Variants in CRYBG1 observed in about 807,000 individuals in gnomAD.
CRYBG1 encodes the protein beta/gamma crystallin domain-containing protein 1.
In CRYBG1, 139 loss-of-function variants were observed where a neutral mutation model predicts 189.2. The ratio of observed to expected loss-of-function variants is 0.73; its 90% confidence interval spans 0.64 to 0.85. The LOEUF (loss-of-function observed/expected upper bound fraction) is 0.85, where lower values mean the gene tolerates loss of function less well. Among genes scored for constraint, CRYBG1 ranks in the 40% least tolerant of loss-of-function variants. The pLI, the probability that CRYBG1 is intolerant of heterozygous loss-of-function variation, is 0.00. For missense variants in CRYBG1, 2,611 were observed against 2,675.8 expected (o/e 0.98, Z 0.53); for synonymous variants, 1,023 against 1,017.1 (o/e 1.01, Z -0.11).
chr6:106,365,680 AT>A (rs10714082), intron 1 of CRYBG1, among the ~76,000 whole-genome samples: 98,783 of 132,426 alleles, frequency 0.75, 41,182 homozygotes, highest in Non-Finnish European at 0.78. Context: ...AAGAACCTGT[AT>A]TTTTTTTTAA....
intron 1 of CRYBG1, among the ~76,000 whole-genome samples, chr6:106,419,650 C>T (rs1201999243): frequency 6.6e-6 from 1 of 152,214 alleles, no homozygotes; most frequent in African/African-American, 2.4e-5. Context: ...TACCAAAGTG[C>T]TGGGATTACA....
chr6:106,450,930 C>T (rs1166748540), intron 1 of CRYBG1, among the ~76,000 whole-genome samples: 1 of 152,232 alleles, frequency 6.6e-6, no homozygotes, highest in Admixed American at 6.5e-5. Flanking sequence ...ATAAGCAAGA[C>T]AGTTACATAT....
chr6:106,463,502 G>A (rs1460007314), intron 2 of CRYBG1, among the ~76,000 whole-genome samples: 1 of 152,180 alleles, frequency 6.6e-6, no homozygotes, highest in Non-Finnish European at 1.5e-5. Flanking sequence ...CTCTCAGGGT[G>A]CTGATTATCA....
At position 106,405,960 on chromosome 6, in the gene CRYBG1, C is replaced by G. The variant is rs116026066; in HGVS notation, c.173+44879C>G. Among the ~76,000 whole-genome samples the G allele has an allele frequency of 1.4e-3, 219 of 152,282 alleles. 3 individuals are homozygous for G. Among genetic ancestry groups the G allele is most frequent in the African/African-American group, 4.9e-3 (203 of 41,572 alleles). The stretch of plus-strand genomic sequence containing the variant: ...AGGCTGAAAATTCCAAAAACCAGGA[C>G]AGCTCTTCTCCTCCAAAGGATCACA... On this transcript the variant is annotated intron_variant, in intron 1 of 21. Coordinates refer to ENST00000633556, the MANE Select transcript of CRYBG1 (RefSeq NM_001371242.2).
chr6:106,378,577 A>G (rs1240899800), intron 1 of CRYBG1, among the ~76,000 whole-genome samples: 1 of 152,222 alleles, frequency 6.6e-6, no homozygotes, highest in Non-Finnish European at 1.5e-5. Flanking sequence ...GGAAGCACAT[A>G]TGGGCTTCCC....
chr6:106,511,406 C>T (rs1773253949), intron 2 of CRYBG1, 24 bp from the exon 3 acceptor site: 2 of 1,519,588 alleles, frequency 1.3e-6, no homozygotes, highest in South Asian at 2.4e-5. Context: ...CATATGTTCC[C>T]TCCTCATCCC....
intron 2 of CRYBG1, among the ~76,000 whole-genome samples, chr6:106,452,133 C>T (rs1771793876): frequency 6.8e-6 from 1 of 147,544 alleles, no homozygotes. Context: ...TTGGCCGGGC[C>T]TGGTGGCTCA....
In CRYBG1 at chr6:106,511,931, G is replaced by T. The variant is rs897281137; in HGVS notation, c.814G>T (p.Ala272Ser). 1 of 1,525,242 alleles carries T rather than the reference G, an allele frequency of 6.6e-7. No individual in the cohort carries two copies. Among genetic ancestry groups the T allele is most frequent in the Non-Finnish European group, 8.8e-7 (1 of 1,140,010 alleles). The allele number at this position is 1,525,242 out of a possible 1,614,324, so 94.5% of individuals were successfully genotyped here. The change falls in exon 3 of 22, where the codon GCC (alanine) becomes TCC (serine). Residue 272 changes from alanine (A) to serine (S), a missense_variant. Transcript: ENST00000633556. ...SSRQENAETP[A>S]RSPGEDASPG... ...CAGGCAAGAGAACGCAGAGACGCCC[G>T]CCCGCAGTCCGGGGGAGGACGCTTC...
intron 17 of CRYBG1, among the ~76,000 whole-genome samples, chr6:106,558,240 TCCCC>T (rs57841452): frequency 6.7e-6 from 1 of 149,684 alleles, no homozygotes; most frequent in Non-Finnish European, 1.5e-5. Context: ...CTTTTTTTTT[TCCCC>T]CTGTTTTACA....
At chr6:106,424,888 C>T (rs1362341122) in intron 1 of CRYBG1, among the ~76,000 whole-genome samples, 3 of 152,134 alleles carry the variant, frequency 2.0e-5, no homozygotes, top group Admixed American at 2.0e-4. Context: ...CTGGAGACTC[C>T]TCACCTCTGC....
chr6:106,434,955 G>T (rs1319562751), intron 1 of CRYBG1, among the ~76,000 whole-genome samples: 8 of 152,214 alleles, frequency 5.3e-5, no homozygotes, highest in Admixed American at 6.5e-5. Context: ...ACAAAAAGAG[G>T]CTGTAGGGTA....
intron 2 of CRYBG1, among the ~76,000 whole-genome samples, chr6:106,486,066 C>A (rs966733303): frequency 6.6e-6 from 1 of 152,068 alleles, no homozygotes; most frequent in Admixed American, 6.6e-5. Context: ...TATTAGAAAT[C>A]TTTCCTCTTT....
At chr6:106,494,334 A>G (rs969973145) in intron 2 of CRYBG1, among the ~76,000 whole-genome samples, 3 of 152,196 alleles carry the variant, frequency 2.0e-5, no homozygotes, top group African/African-American at 7.2e-5. Context: ...TATAGTTAAC[A>G]CTATAGAACA....
In CRYBG1 at chr6:106,571,942, C is replaced by A; in HGVS notation, c.*3376C>A. The A allele has an allele frequency of 7.4e-7, 1 of 1,347,178 alleles. No homozygotes were observed. The highest frequency in any genetic ancestry group is 1.1e-6 in the Non-Finnish European group (1 of 949,260). 83.5% of individuals were successfully genotyped at this position (1,347,178 alleles called of 1,614,324 possible). ...AGGGATGGCTAGAAAAAAATTTGGG[C>A]TCACAGGCACTCACCAAATAAGAAC... On this transcript the variant is annotated 3_prime_UTR_variant, in exon 22 of 22. Transcript: ENST00000633556.
chr6:106,519,414 A>G lies in CRYBG1; in HGVS notation c.2206A>G (p.Asn736Asp), dbSNP rs756240911. 4 of 1,614,144 alleles carry G rather than the reference A, an allele frequency of 2.5e-6. No homozygotes were observed. The East Asian group carries it at 8.9e-5, about 36-fold the overall frequency. The change falls in exon 4 of 22, where the codon AAC becomes GAC. Residue 736 changes from asparagine (N) to aspartate (D), a missense_variant. By Grantham distance (23) the Asn-to-Asp change is conservative. Around this residue, in one of 3 missense-constraint regions of CRYBG1, gnomAD observed 1,622 missense variants for 1,735.0 expected, o/e 0.93. Transcript: ENST00000633556. ...MEQPEKKVMPNSPQNGVLVKE... is the reference protein window; with the variant it reads ...MEQPEKKVMPDSPQNGVLVKE... ...GCAACCTGAAAAGAAAGTAATGCCA[A>G]ACAGTCCCCAGAATGGTGTGCTGGT...
In CRYBG1 at chr6:106,561,627, A is replaced by T. The variant is rs116534027; in HGVS notation, c.6138+127A>T. The T allele has an allele frequency of 2.2e-3, 2,638 of 1,216,900 alleles. 52 individuals carry two copies. The African/African-American group carries it at 0.036, about 17-fold the overall frequency. The allele number at this position is 1,216,900 out of a possible 1,614,324, so 75.4% of individuals were successfully genotyped here. A position where few individuals can be genotyped will look rare whatever the true frequency, so the allele number is the denominator to read the frequency against. Reference sequence around the variant, plus strand: ...AATTCCTGGAGTACTTTCAGAAATGAATTTGTTTTTTTCATGACAGTATAT... The same window carrying T: ...AATTCCTGGAGTACTTTCAGAAATGTATTTGTTTTTTTCATGACAGTATAT... On this transcript the variant is annotated intron_variant, in intron 20 of 21. Coordinates refer to ENST00000633556, the MANE Select transcript of CRYBG1 (RefSeq NM_001371242.2).
At chr6:106,415,813 T>C (rs961677859) in intron 1 of CRYBG1, among the ~76,000 whole-genome samples, 8 of 152,210 alleles carry the variant, frequency 5.3e-5, no homozygotes, top group Admixed American at 6.5e-5. Context: ...AAATGCTGGC[T>C]GTCTCTCTCT....
intron 17 of CRYBG1, among the ~76,000 whole-genome samples, chr6:106,556,965 C>T (rs751080959): frequency 2.6e-4 from 39 of 152,168 alleles, no homozygotes; most frequent in Non-Finnish European, 4.6e-4. Flanking sequence ...TCAATGCCTT[C>T]CCTCAACCAG....
chr6:106,456,767 A>C (rs1582773210), intron 2 of CRYBG1, among the ~76,000 whole-genome samples: 1 of 152,088 alleles, frequency 6.6e-6, no homozygotes, highest in Non-Finnish European at 1.5e-5. Flanking sequence ...TCAGTGCCCA[A>C]TACCCAATCT....
Sources: allele counts gnomAD v4.1 joint callset (sites outside exome capture counted in the v4.1 genomes callset), GRCh38; gene constraint gnomAD v4.1.1; regional missense constraint gnomAD v4.1.1; transcripts MANE v1.5; gene names NCBI Gene and HGNC (gene_info 2026-07-23, HGNC 2026-07-21).